The following NRG3 variants were observed in gnomAD, a reference collection of about 807,000 sequenced individuals.
NRG3 encodes the protein pro-neuregulin-3, membrane-bound isoform.
NRG3 carries 31 observed loss-of-function variants against 66.9 expected under a neutral mutation model. That is an observed-to-expected ratio of 0.46 (90% CI 0.35 to 0.63). The LOEUF (loss-of-function observed/expected upper bound fraction) is 0.63. NRG3 is among the 20% of genes least tolerant of loss of function. The probability of loss-of-function intolerance (pLI) is 0.00; values close to 1 mark genes in which losing one functional copy is unlikely to be tolerated. For synonymous variants in NRG3, 393 were observed against 359.4 expected, an observed-to-expected ratio of 1.09 and a Z score of -1.06; for missense variants, 910 against 878.9, an observed-to-expected ratio of 1.04 and a Z score of -0.45.
chr10:82,349,904 T>C (rs2083315176), intron 1 of NRG3, among the ~76,000 whole-genome samples: 1 of 152,196 alleles, frequency 6.6e-6, no homozygotes, highest in Admixed American at 6.5e-5. Flanking sequence ...AGTGAGGCAA[T>C]GCCTCGCCCT....
chr10:82,778,575 C>T (rs1357355803), intron 3 of NRG3, among the ~76,000 whole-genome samples: 2 of 152,176 alleles, frequency 1.3e-5, no homozygotes, highest in Admixed American at 1.3e-4. Flanking sequence ...TTACCTCCAC[C>T]TTGTCCCTCC....
intron 2 of NRG3, among the ~76,000 whole-genome samples, chr10:82,400,610 C>T (rs2087024686): frequency 1.3e-5 from 2 of 151,544 alleles, no homozygotes; most frequent in South Asian, 4.2e-4. Flanking sequence ...CTCTGTTGCC[C>T]AGTCTGGAGT....
At chr10:82,928,328 A>G (rs1342278000) in intron 4 of NRG3, among the ~76,000 whole-genome samples, 3 of 152,058 alleles carry the variant, frequency 2.0e-5, no homozygotes, top group Non-Finnish European at 1.5e-5. Context: ...GCTGTGCAGA[A>G]GCTCTTTAGT....
At chr10:82,444,761 T>C (rs772177013) in intron 2 of NRG3, among the ~76,000 whole-genome samples, 2 of 152,164 alleles carry the variant, frequency 1.3e-5, no homozygotes, top group East Asian at 1.9e-4. Context: ...TAAAAAACAA[T>C]TGGAAGATTG....
At chr10:82,860,527 C>G (rs962907168) in intron 3 of NRG3, among the ~76,000 whole-genome samples, 18 of 152,128 alleles carry the variant, frequency 1.2e-4, no homozygotes, top group African/African-American at 4.1e-4. Context: ...AGTTAGTTCC[C>G]CTCTCCGTGC....
chr10:82,095,999 A>G (rs2066315711), intron 1 of NRG3, among the ~76,000 whole-genome samples: 1 of 152,226 alleles, frequency 6.6e-6, no homozygotes, highest in Non-Finnish European at 1.5e-5. Context: ...ACTGACCTGC[A>G]TAATGTCATG....
intron 2 of NRG3, among the ~76,000 whole-genome samples, chr10:82,625,311 T>A (rs646282): frequency 6.6e-6 from 1 of 151,942 alleles, no homozygotes; most frequent in South Asian, 2.1e-4. Context: ...GAAAAAAAAA[T>A]GATCACAAAT....
intron 2 of NRG3, among the ~76,000 whole-genome samples, chr10:82,635,598 T>TTAC (rs1392480285): frequency 6.6e-6 from 1 of 152,072 alleles, no homozygotes; most frequent in Non-Finnish European, 1.5e-5. Flanking sequence ...TTTACTGTCA[T>TTAC]TATTATTATT....
At chr10:82,709,426 G>A (rs886847591) in intron 2 of NRG3, among the ~76,000 whole-genome samples, 2 of 151,824 alleles carry the variant, frequency 1.3e-5, no homozygotes, top group African/African-American at 4.8e-5. Context: ...TCTGTCACCA[G>A]GCTGGAGTGC....
At chr10:82,523,541 A>G (rs956459290) in intron 2 of NRG3, among the ~76,000 whole-genome samples, 10 of 151,986 alleles carry the variant, frequency 6.6e-5, no homozygotes, top group African/African-American at 2.4e-4. Context: ...ATATCGATTC[A>G]TATCCCTCAC....
chr10:82,680,607 A>G (rs78161599), intron 2 of NRG3, among the ~76,000 whole-genome samples: 3,722 of 152,236 alleles, frequency 0.024, 183 homozygotes, highest in African/African-American at 0.085. Context: ...TCCAGGAAGG[A>G]CCAAGATTTC....
intron 1 of NRG3, among the ~76,000 whole-genome samples, chr10:82,249,792 G>A (rs750261937): frequency 1.2e-4 from 19 of 152,064 alleles, no homozygotes; most frequent in Non-Finnish European, 1.8e-4. Context: ...ACATTCTTTC[G>A]TCTTTTCAAA....
chr10:82,143,314 A>G (rs1307750535), intron 1 of NRG3, among the ~76,000 whole-genome samples: 1 of 152,154 alleles, frequency 6.6e-6, no homozygotes, highest in Non-Finnish European at 1.5e-5. Flanking sequence ...AGTCACTCAG[A>G]ATTCAGTATA....
At chr10:82,309,451 A>G (rs2080911004) in intron 1 of NRG3, among the ~76,000 whole-genome samples, 2 of 151,342 alleles carry the variant, frequency 1.3e-5, no homozygotes, top group Admixed American at 6.6e-5. Flanking sequence ...TCATTTTACA[A>G]ATTGCTTTGC....
At chr10:82,761,963 T>TCTTC (rs2059338454) in intron 3 of NRG3, among the ~76,000 whole-genome samples, 1 of 150,092 alleles carries the variant, frequency 6.7e-6, no homozygotes, top group Non-Finnish European at 1.5e-5. Flanking sequence ...TTTCTTTCTT[T>TCTTC]CTTTCTTTCT....
intron 2 of NRG3, among the ~76,000 whole-genome samples, chr10:82,432,325 A>G (rs1401779965): frequency 6.6e-6 from 1 of 151,998 alleles, no homozygotes; most frequent in Non-Finnish European, 1.5e-5. Flanking sequence ...CAGCTCTCAC[A>G]TGTGAGTGAG....
intron 1 of NRG3, among the ~76,000 whole-genome samples, chr10:82,227,180 A>G (rs1784419770): frequency 6.6e-6 from 1 of 152,038 alleles, no homozygotes; most frequent in Admixed American, 6.6e-5. Context: ...GGCTGTTTGT[A>G]TCTTGGTAAG....
intron 1 of NRG3, among the ~76,000 whole-genome samples, chr10:81,921,994 G>A (rs1846294919): frequency 1.3e-5 from 2 of 152,046 alleles, no homozygotes; most frequent in African/African-American, 2.4e-5. Flanking sequence ...GTCTTATACA[G>A]TATATTCCCA....
At chr10:82,026,289 A>T (rs958578844) in intron 1 of NRG3, among the ~76,000 whole-genome samples, 2 of 151,956 alleles carry the variant, frequency 1.3e-5, no homozygotes, top group African/African-American at 4.8e-5. Context: ...CAGAACCATT[A>T]TAAGAAAGGG....
Sources: allele counts gnomAD v4.1 joint callset (sites outside exome capture counted in the v4.1 genomes callset), GRCh38; gene constraint gnomAD v4.1.1; transcripts MANE v1.5; gene names NCBI Gene and HGNC (gene_info 2026-07-23, HGNC 2026-07-21).